ZFHX3: variants seen among roughly 807,000 people sequenced by gnomAD.
ZFHX3 encodes the protein zinc finger homeobox 3, also known as zinc finger homeobox protein 3.
ZFHX3 carries 42 observed loss-of-function variants against 279.1 expected under a neutral mutation model. The ratio of observed to expected loss-of-function variants is 0.15; its 90% CI spans 0.12 to 0.19. ZFHX3 has a LOEUF of 0.19. Among genes scored for constraint, ZFHX3 ranks in the 10% least tolerant of loss-of-function variants. The pLI, the probability that ZFHX3 is intolerant of heterozygous loss-of-function variation, is 1.00. For missense variants in ZFHX3, 4,981 were observed against 4,754.0 expected, an observed-to-expected ratio of 1.05 and a Z score of -1.40; for synonymous variants, 2,293 against 1,957.8, an observed-to-expected ratio of 1.17 and a Z score of -4.52.
intron 3 of ZFHX3, among the ~76,000 whole-genome samples, chr16:72,938,188 G>A (rs1467916063): frequency 6.6e-6 from 1 of 152,250 alleles, no homozygotes; most frequent in Non-Finnish European, 1.5e-5. Flanking sequence ...GAAAACCAGG[G>A]ATATGTCACT....
At chr16:73,326,511 A>G (rs2015691859) in intron 3 of ZFHX3, among the ~76,000 whole-genome samples, 1 of 152,216 alleles carries the variant, frequency 6.6e-6, no homozygotes, top group African/African-American at 2.4e-5. Flanking sequence ...GCCAGACACA[A>G]AGGACCACAT....
At chr16:73,482,549 C>G (rs1325640549) in intron 2 of ZFHX3, among the ~76,000 whole-genome samples, 1 of 152,172 alleles carries the variant, frequency 6.6e-6, no homozygotes, top group Non-Finnish European at 1.5e-5. Flanking sequence ...GGAAGCCTCT[C>G]CAGGCTGTGT....
intron 1 of ZFHX3, among the ~76,000 whole-genome samples, chr16:73,810,089 TATATGAGGCTTA>T (rs1269793568): frequency 1.3e-5 from 2 of 152,176 alleles, no homozygotes; most frequent in African/African-American, 4.8e-5. Flanking sequence ...TTAGAGTCTA[TATATGAGGCTTA>T]ATATTCAGTA....
At chr16:73,762,496 T>C (rs1277775956) in intron 1 of ZFHX3, among the ~76,000 whole-genome samples, 2 of 152,158 alleles carry the variant, frequency 1.3e-5, no homozygotes, top group African/African-American at 4.8e-5. Context: ...CAAAGTAATA[T>C]AAATTATTCT....
Position 73,631,432 on chromosome 16 carries a change from A to G in ZFHX3, c.-1547+48748T>C, listed in dbSNP as rs148064228. Among the ~76,000 whole-genome samples, 641 of 152,324 alleles carry G rather than the reference A, an allele frequency of 4.2e-3. 6 individuals carry two copies. The highest frequency in any genetic ancestry group is 0.014 in the African/African-American group (598 of 41,568). Reference sequence around the variant, plus strand: ...AATATTTAATCTCCATGTATCTACCATCTTATCTTTTCATCAATATGTCAT... The same window carrying G: ...AATATTTAATCTCCATGTATCTACCGTCTTATCTTTTCATCAATATGTCAT... On this transcript the variant is annotated intron_variant, in intron 2 of 17. Coordinates refer to the ZFHX3 transcript ENST00000641206.
intron 5 of ZFHX3, among the ~76,000 whole-genome samples, chr16:73,244,260 G>C (rs2013214512): frequency 6.6e-6 from 1 of 152,136 alleles, no homozygotes; most frequent in African/African-American, 2.4e-5. Context: ...CAGACACACA[G>C]GCTTGACTTA....
chr16:72,836,209 C>A (rs1393068746), intron 4 of ZFHX3, among the ~76,000 whole-genome samples: 1 of 152,154 alleles, frequency 6.6e-6, no homozygotes, highest in East Asian at 1.9e-4. Context: ...CTATGCCATT[C>A]TCCCTCTGTG....
chr16:72,863,856 T>C (rs2037947057), intron 4 of ZFHX3, among the ~76,000 whole-genome samples: 1 of 152,144 alleles, frequency 6.6e-6, no homozygotes, highest in Non-Finnish European at 1.5e-5. Flanking sequence ...TTTAAAAAAG[T>C]TCCTTCCTTC....
rs374522744 is a variant in ZFHX3, at chr16:72,907,387, G to A, written c.3217-17425C>T. Among the ~76,000 whole-genome samples, 51 of 152,044 alleles carry A rather than the reference G, an allele frequency of 3.4e-4. No homozygotes were observed. The South Asian group carries it at 0.01, about 31-fold the overall frequency. On this transcript the variant is annotated intron_variant, in intron 3 of 9. Coordinates refer to ENST00000268489, the MANE Select transcript of ZFHX3 (RefSeq NM_006885.4). ...TCACGCTCTAATCTCTCCCCAAAAT[G>A]AGTGTTCATCAATCACCTCTAAAAA...
chr16:73,851,012 C>T (rs1350541979), intron 1 of ZFHX3, among the ~76,000 whole-genome samples: 1 of 152,008 alleles, frequency 6.6e-6, no homozygotes, highest in East Asian at 1.9e-4. Flanking sequence ...TTTTCCCCCT[C>T]CTTCAAAATT....
At chr16:73,828,843 T>C (rs1960922382) in intron 1 of ZFHX3, among the ~76,000 whole-genome samples, 1 of 37,690 alleles carries the variant, frequency 2.7e-5, no homozygotes, top group African/African-American at 1.9e-4. Flanking sequence ...TAACATTTTT[T>C]CCTTCATTTC....
intron 5 of ZFHX3, among the ~76,000 whole-genome samples, chr16:73,184,544 G>A (rs1967871126): frequency 1.3e-5 from 2 of 152,280 alleles, no homozygotes; most frequent in Admixed American, 1.3e-4. Flanking sequence ...AGAGGGAAAG[G>A]CAGGTCGTGA....
At chr16:73,429,981 G>C (rs1265345915) in intron 3 of ZFHX3, among the ~76,000 whole-genome samples, 2 of 152,136 alleles carry the variant, frequency 1.3e-5, no homozygotes, top group African/African-American at 2.4e-5. Flanking sequence ...TTGACCTGCT[G>C]GGCTCAAGCG....
intron 5 of ZFHX3, among the ~76,000 whole-genome samples, chr16:73,196,670 A>AT (rs1443450953): frequency 6.6e-6 from 1 of 152,156 alleles, no homozygotes; most frequent in Non-Finnish European, 1.5e-5. Flanking sequence ...TGGAATGAAA[A>AT]TGTGCCATAT....
intron 3 of ZFHX3, among the ~76,000 whole-genome samples, chr16:73,443,758 C>T (rs1049129731): frequency 6.6e-6 from 1 of 151,866 alleles, no homozygotes; most frequent in Non-Finnish European, 1.5e-5. Flanking sequence ...TACTCCTTGG[C>T]TTTTTTTCTT....
chr16:73,230,846 C>T lies in ZFHX3; in HGVS notation c.-1104+26201G>A, dbSNP rs78483767. ...ATAAAAAAATCAGTGTTCCTGCTGC[C>T]GCTGCTGCTGCTGGCTGATAAAGCA... is the stretch of plus-strand genomic sequence containing the variant. On this transcript the variant is annotated intron_variant, in intron 5 of 17. Transcript: ENST00000641206. 3.9e-4 allele frequency among the ~76,000 whole-genome samples: 59 copies of T among 152,242 alleles called. 1 individual carries two copies. The East Asian group carries it at 6.6e-3, about 17-fold the overall frequency.
rs200818294 is a variant in ZFHX3 at position 72,783,588 on chromosome 16, TAAAA to T, written c.*3572_*3575del. 1.1e-4 allele frequency: 17 copies of T among 150,510 alleles called. No homozygotes were observed. Among genetic ancestry groups the T allele is most frequent in the African/African-American group, 4.1e-4 (17 of 41,018 alleles). The allele number at this position is 150,510 out of a possible 1,614,324, so 9.3% of individuals were successfully genotyped here. The stretch of plus-strand genomic sequence containing the variant: ...TTCATCTCTTTAAATAGCTTGTAAT[TAAAA>T]AAAAAATTCCTAGATGTATTAAATT... On this transcript the variant is annotated 3_prime_UTR_variant, in exon 10 of 10. Transcript: ENST00000268489.
At chr16:73,752,666 C>T (rs537485512) in intron 1 of ZFHX3, among the ~76,000 whole-genome samples, 2 of 152,314 alleles carry the variant, frequency 1.3e-5, no homozygotes, top group African/African-American at 4.8e-5. Flanking sequence ...TTGGGTCAGT[C>T]TATCCATGAA....
At chr16:73,721,591 A>G (rs2053474211) in intron 1 of ZFHX3, among the ~76,000 whole-genome samples, 1 of 152,184 alleles carries the variant, frequency 6.6e-6, no homozygotes. Context: ...CCTAACCGGC[A>G]TGCCCACCCA....
Sources: allele counts gnomAD v4.1 joint callset (sites outside exome capture counted in the v4.1 genomes callset), GRCh38; gene constraint gnomAD v4.1.1; transcripts MANE v1.5; gene names NCBI Gene and HGNC (gene_info 2026-07-23, HGNC 2026-07-21).